Variants in MYO15B observed in about 807,000 individuals in gnomAD.
MYO15B encodes the protein myosin XVB.
A neutral mutation model predicts 119.3 loss-of-function variants in MYO15B; 207 were observed. The ratio of observed to expected loss-of-function variants is 1.73; its 90% CI spans 1.55 to 1.95. The LOEUF (loss-of-function observed/expected upper bound fraction) is 1.95, where lower values mean the gene tolerates loss of function less well. Ranked by LOEUF, MYO15B falls within the 30% of genes most tolerant of loss-of-function variation. The probability of loss-of-function intolerance (pLI) is 0.00; values close to 1 mark genes in which losing one functional copy is unlikely to be tolerated. For synonymous variants in MYO15B, 966 were observed against 498.9 expected (o/e 1.94, Z -12.48); for missense variants, 2,264 against 1,203.1 (o/e 1.88, Z -13.04).
exon 1 of MYO15B, chr17:75,590,083 C>T: frequency 5.0e-6 from 2 of 399,066 alleles, no homozygotes; most frequent in Non-Finnish European, 8.8e-6. Flanking sequence ...CCGTGGGTCC[C>T]TGAGGGAGCT....
At chr17:75,612,475 C>A (rs2058087341) in intron 25 of MYO15B, among the ~76,000 whole-genome samples, 1 of 152,048 alleles carries the variant, frequency 6.6e-6, no homozygotes, top group Non-Finnish European at 1.5e-5. Context: ...GAGTTTGAGA[C>A]CGGCCTGGCC....
At chr17:75,599,113 G>T (rs181924685) in intron 14 of MYO15B, among the ~76,000 whole-genome samples, 1 of 152,032 alleles carries the variant, frequency 6.6e-6, no homozygotes, top group Non-Finnish European at 1.5e-5. Flanking sequence ...GCCCAGGCTG[G>T]TCTCAACCTC....
At chr17:75,604,561 C>T (rs1304288061) in intron 19 of MYO15B, among the ~76,000 whole-genome samples, 1 of 146,218 alleles carries the variant, frequency 6.8e-6, no homozygotes, top group East Asian at 2.0e-4. Context: ...TCCCTCCCTC[C>T]CACAAACTTG....
chr17:75,603,630 G>A (rs1421740620), intron 19 of MYO15B, among the ~76,000 whole-genome samples: 3 of 149,326 alleles, frequency 2.0e-5, no homozygotes, highest in South Asian at 4.3e-4. Context: ...ACGGTCTAGT[G>A]CCCACAGCAG....
rs1323546985 is a variant in MYO15B, at chr17:75,623,039, A to T, written c.8083-742A>T. 2.5e-5 allele frequency among the ~76,000 whole-genome samples: 3 copies of T among 120,156 alleles called. 1 individual carries two copies. Among genetic ancestry groups the T allele is most frequent in the African/African-American group, 1.1e-4 (3 of 26,796 alleles). 78.8% of individuals were successfully genotyped at this position (120,156 alleles called of 152,430 possible). A position where few individuals can be genotyped will look rare whatever the true frequency, so the allele number is the denominator to read the frequency against. ...AGCCAGCAGAGATGAGTAAGAGATC[A>T]GAGAAGCAGGGGCCGGGCGCGGCGG... On this transcript the variant is annotated intron_variant, in intron 53 of 63. Transcript: ENST00000645453.
At position 75,589,196 on chromosome 17, in the gene MYO15B, T is replaced by TGCG. The variant is rs895107887; in HGVS notation, c.1148_1150dup (p.Arg383dup). 3 of 329,256 alleles carry TGCG rather than the reference T, an allele frequency of 9.1e-6. No individual in the cohort carries two copies. The highest frequency in any genetic ancestry group is 2.8e-5 in the African/African-American group (1 of 35,986). 20.4% of individuals were successfully genotyped at this position (329,256 alleles called of 1,614,324 possible). On this transcript the variant is annotated inframe_insertion, in exon 1 of 64. Coordinates refer to ENST00000645453, the Ensembl canonical transcript of MYO15B. The surrounding 1 kb of genome is among the most constrained non-coding windows in gnomAD (Gnocchi z 4.2). The stretch of plus-strand genomic sequence containing the variant: ...CGAGCCCTGGGCCTCCTGCGCTGGC[T>TGCG]GCGGCGGCGGCTGCGGCTGCGGCGG...
In MYO15B at chr17:75,598,222, C is replaced by T. The variant is rs1440681650; in HGVS notation, c.3525+1323C>T. ...GGCGGAGGTTGCAGTGAGCCGAGAT[C>T]GTGCCACTACACTCCAGCCTGGGGA... On this transcript the variant is annotated intron_variant, in intron 14 of 63. Transcript: ENST00000645453. Among the ~76,000 whole-genome samples, 4 of 148,232 alleles carry T rather than the reference C, an allele frequency of 2.7e-5. No homozygotes were observed. The Admixed American group carries it at 2.7e-4, about 10-fold the overall frequency.
Position 75,592,089 on chromosome 17 carries a change from C to T in MYO15B, c.2651+9C>T. The T allele has an allele frequency of 1.4e-6, 1 of 702,738 alleles. No homozygotes were observed. Among genetic ancestry groups the T allele is most frequent in the Non-Finnish European group, 2.6e-6 (1 of 384,926 alleles). 43.5% of individuals were successfully genotyped at this position (702,738 alleles called of 1,614,324 possible). A position where few individuals can be genotyped will look rare whatever the true frequency, so the allele number is the denominator to read the frequency against. ...TGCCTCTACCTACAGCAGTGAGTGG[C>T]AGGGTTGCAGGGGGCACCTACAATC... On this transcript the variant is annotated intron_variant, in intron 6 of 63. Transcript: ENST00000645453.
exon 50 of MYO15B, chr17:75,621,103 G>A (rs1422128263): frequency 1.4e-6 from 1 of 702,876 alleles, no homozygotes; most frequent in South Asian, 1.5e-5. Flanking sequence ...TGTGGCCTAT[G>A]CCTTTCTGCC....
At chr17:75,605,744 T>A (rs1427411849) in intron 20 of MYO15B, 120 bp from the exon 21 acceptor site, 1 of 659,154 alleles carries the variant, frequency 1.5e-6, no homozygotes, top group Middle Eastern at 2.7e-4. Flanking sequence ...ACAGAAGGGC[T>A]GGACGGCAGG....
In MYO15B at chr17:75,603,022, C is replaced by T. The variant is rs1311086008; in HGVS notation, c.3846-10C>T. The T allele has an allele frequency of 5.7e-6, 4 of 703,200 alleles. No individual in the cohort carries two copies. The African/African-American group carries it at 7.0e-5, about 12-fold the overall frequency. 43.6% of individuals were successfully genotyped at this position (703,200 alleles called of 1,614,324 possible). On this transcript the variant is annotated splice_polypyrimidine_tract_variant and intron_variant, in intron 17 of 63. Coordinates refer to ENST00000645453, the Ensembl canonical transcript of MYO15B. The stretch of plus-strand genomic sequence containing the variant: ...GTCTGTGCCCGAGTGACCCCTCTTT[C>T]CCTCATCAGGAGCCATGTCTATTTC...
chr17:75,614,182 G>T lies in MYO15B; in HGVS notation c.5220-17G>T. On this transcript the variant is annotated splice_polypyrimidine_tract_variant and intron_variant, in intron 29 of 63. Transcript: ENST00000645453. ...TGGATGGCCGCCTGCCTCACTGACT[G>T]GTCCCCTCCCACCCAGAGGCCTGGA... is the stretch of plus-strand genomic sequence containing the variant. The T allele has an allele frequency of 1.4e-6, 1 of 700,974 alleles. No homozygotes were observed. The highest frequency in any genetic ancestry group is 2.6e-6 in the Non-Finnish European group (1 of 383,764). The allele number at this position is 700,974 out of a possible 1,614,324, so 43.4% of individuals were successfully genotyped here. A position where few individuals can be genotyped will look rare whatever the true frequency, so the allele number is the denominator to read the frequency against.
At chr17:75,602,761 G>T in intron 16 of MYO15B, 69 bp from the exon 17 acceptor site, 1 of 604,134 alleles carries the variant, frequency 1.7e-6, no homozygotes, top group Non-Finnish European at 3.0e-6. Context: ...GTCCATTCTG[G>T]CTCTCCCGGG....
intron 30 of MYO15B, 60 bp from the exon 31 acceptor site, chr17:75,614,523 C>G: frequency 2.9e-6 from 2 of 685,040 alleles, no homozygotes; most frequent in East Asian, 5.4e-5. Context: ...CTACCTCTTG[C>G]CCCAGCCTGG....
chr17:75,596,738 GC>G, intron 13 of MYO15B, 29 bp from the exon 14 acceptor site: 1 of 689,890 alleles, frequency 1.4e-6, no homozygotes, highest in Non-Finnish European at 2.6e-6. Flanking sequence ...CCCTGCTCCT[GC>G]AAAATGGCCA....
chr17:75,617,624 G>T, intron 41 of MYO15B, 186 bp from the exon 42 acceptor site: 2 of 568,804 alleles, frequency 3.5e-6, no homozygotes, highest in East Asian at 5.7e-5. Flanking sequence ...CCTCACGGAC[G>T]CCAGGGAAAG....
chr17:75,620,724 T>C, intron 49 of MYO15B, 88 bp downstream of exon 49: 2 of 692,510 alleles, frequency 2.9e-6, no homozygotes. Context: ...GAGGCTGCCA[T>C]GCGGTGGGAC....
chr17:75,618,134 C>T (rs1393788003), exon 43 of MYO15B: 4 of 703,148 alleles, frequency 5.7e-6, no homozygotes, highest in Non-Finnish European at 1.0e-5. Context: ...AGGTGTTCTA[C>T]CCACGGGAGA....
chr17:75,606,185 A>T (rs886488984), intron 21 of MYO15B, 164 bp downstream of exon 21: 4 of 538,608 alleles, frequency 7.4e-6, no homozygotes, highest in Non-Finnish European at 1.3e-5. Context: ...ATTACCCCCC[A>T]TACCCGTGCA....
Sources: gnomAD v4.1 joint callset for allele counts (sites outside exome capture counted in the v4.1 genomes callset) on GRCh38, gnomAD v4.1.1 for gene constraint, Gnocchi (gnomAD v3.1) non-coding constraint, MANE v1.5 for transcripts, NCBI Gene and HGNC (gene_info 2026-07-23, HGNC 2026-07-21) for gene names.